Variants in XYLT1 observed in about 807,000 individuals in gnomAD.
XYLT1 encodes the protein beta-D-xylosyltransferase 1.
In XYLT1, 36 loss-of-function variants were observed where a neutral mutation model predicts 91.3. The observed-to-expected ratio is 0.39, with a 90% CI of 0.30 to 0.52. The LOEUF (loss-of-function observed/expected upper bound fraction) is 0.52, where lower values mean the gene tolerates loss of function less well. Among genes scored for constraint, XYLT1 ranks in the 20% least tolerant of loss-of-function variants. The pLI is 0.68. For missense variants in XYLT1, 1,242 were observed against 1,284.5 expected (o/e 0.97, Z 0.51); for synonymous variants, 588 against 532.0 (o/e 1.11, Z -1.45).
chr16:17,300,396 C>T (rs544442817), intron 2 of XYLT1, among the ~76,000 whole-genome samples: 1 of 150,418 alleles, frequency 6.6e-6, no homozygotes, highest in Non-Finnish European at 1.5e-5. Context: ...TTAAATAAAC[C>T]ATGCTATGTG....
At chr16:17,122,434 T>A (rs2030100662) in intron 10 of XYLT1, among the ~76,000 whole-genome samples, 1 of 152,230 alleles carries the variant, frequency 6.6e-6, no homozygotes, top group African/African-American at 2.4e-5. Context: ...GCCCACTTTT[T>A]GATGGGATTG....
intron 8 of XYLT1, among the ~76,000 whole-genome samples, chr16:17,136,143 C>G (rs1567289496): frequency 6.6e-6 from 1 of 152,144 alleles, no homozygotes; most frequent in Non-Finnish European, 1.5e-5. Flanking sequence ...ATGTCATTAC[C>G]TCTAATTTTC....
chr16:17,159,512 C>A (rs2031496686), intron 5 of XYLT1, among the ~76,000 whole-genome samples: 1 of 152,142 alleles, frequency 6.6e-6, no homozygotes, highest in South Asian at 2.1e-4. Context: ...CAGAGCCCAG[C>A]TGGATTTGTT....
intron 2 of XYLT1, among the ~76,000 whole-genome samples, chr16:17,354,020 G>A (rs1317630634): frequency 6.6e-6 from 1 of 152,206 alleles, no homozygotes; most frequent in Non-Finnish European, 1.5e-5. Context: ...TAAAATGAGA[G>A]AAGTCAGTTC....
At chr16:17,332,998 G>A (rs1174664320) in intron 2 of XYLT1, among the ~76,000 whole-genome samples, 1 of 152,124 alleles carries the variant, frequency 6.6e-6, no homozygotes, top group African/African-American at 2.4e-5. Context: ...GCAGAACCCT[G>A]ATTAACTGAG....
In XYLT1 at chr16:17,259,280, T is replaced by A; in HGVS notation, c.621A>T (p.Thr207=). Residue 207 remains threonine, a synonymous_variant, in exon 3 of 12, where the codon ACA becomes ACT. Coordinates refer to ENST00000261381, the MANE Select transcript of XYLT1 (RefSeq NM_022166.4). The part of the protein sequence containing the change: ...LEQQEKGKGH[T]FPGKGPGEVL... The stretch of plus-strand genomic sequence containing the variant: ...CCTCACCGGGGCCTTTCCCAGGGAA[T>A]GTATGTCCTTTTCCTTTCTCCTGCT... 6.2e-7 allele frequency: 1 copy of A among 1,614,084 alleles called. No homozygotes were observed. Among genetic ancestry groups the A allele is most frequent in the Non-Finnish European group, 8.5e-7 (1 of 1,180,018 alleles).
intron 8 of XYLT1, among the ~76,000 whole-genome samples, chr16:17,137,328 C>G (rs2030772690): frequency 1.3e-5 from 2 of 152,174 alleles, no homozygotes; most frequent in African/African-American, 4.8e-5. Context: ...AGATCAAACA[C>G]AAACAAACAG....
chr16:17,408,724 T>C (rs1379379016), intron 1 of XYLT1, among the ~76,000 whole-genome samples: 9 of 152,198 alleles, frequency 5.9e-5, no homozygotes, highest in Non-Finnish European at 1.3e-4. Context: ...CACAGGCCTA[T>C]AATCCCAACT....
At chr16:17,296,647 C>A (rs1260764953) in intron 2 of XYLT1, among the ~76,000 whole-genome samples, 1 of 152,170 alleles carries the variant, frequency 6.6e-6, no homozygotes, top group Non-Finnish European at 1.5e-5. Flanking sequence ...GAGCCCGGGG[C>A]CAACTGGGGA....
chr16:17,138,586 A>G (rs1410927731), intron 7 of XYLT1, 55 bp from the exon 8 acceptor site: 8 of 1,581,340 alleles, frequency 5.1e-6, no homozygotes, highest in Non-Finnish European at 6.1e-6. Context: ...CCACAGATGA[A>G]CTGGGGTGGG....
At chr16:17,157,447 G>A (rs1413062536) in intron 6 of XYLT1, among the ~76,000 whole-genome samples, 2 of 152,144 alleles carry the variant, frequency 1.3e-5, no homozygotes, top group Admixed American at 6.5e-5. Context: ...GGCAAGGACC[G>A]AGCGACCTAA....
intron 5 of XYLT1, among the ~76,000 whole-genome samples, chr16:17,189,216 A>G (rs1356208345): frequency 6.6e-6 from 1 of 152,128 alleles, no homozygotes; most frequent in Non-Finnish European, 1.5e-5. Flanking sequence ...GGAAGCTTGG[A>G]CCTCACACTC....
rs1333290457 is a variant in XYLT1 at position 17,106,936 on chromosome 16, G to A, written c.*1759C>T. 6.6e-6 allele frequency: 1 copy of A among 152,100 alleles called. No homozygotes were observed. The highest frequency in any genetic ancestry group is 3.2e-3 in the Middle Eastern group (1 of 316). The allele number at this position is 152,100 out of a possible 1,614,324, so 9.4% of individuals were successfully genotyped here. A position where few individuals can be genotyped will look rare whatever the true frequency, so the allele number is the denominator to read the frequency against. ...GCTTTACTCTGAGGATGAGGAGGAT[G>A]GGGGGTAGACGCAGAGAAAGAGAAA... On this transcript the variant is annotated 3_prime_UTR_variant, in exon 12 of 12. Transcript: ENST00000261381.
At chr16:17,334,343 C>T (rs906931747) in intron 2 of XYLT1, among the ~76,000 whole-genome samples, 8 of 152,148 alleles carry the variant, frequency 5.3e-5, no homozygotes, top group Non-Finnish European at 8.8e-5. Context: ...GGGTCTATGA[C>T]GTCCTGGAGT....
intron 1 of XYLT1, among the ~76,000 whole-genome samples, chr16:17,437,902 T>C (rs1302747587): frequency 6.6e-6 from 1 of 152,230 alleles, no homozygotes; most frequent in South Asian, 2.1e-4. Flanking sequence ...CACGGTGCAG[T>C]CAGCCTTTCT....
chr16:17,182,656 C>T (rs186241138), intron 5 of XYLT1, among the ~76,000 whole-genome samples: 295 of 123,554 alleles, frequency 2.4e-3, no homozygotes, highest in African/African-American at 9.2e-3. Context: ...TTTGAGTTTG[C>T]TTTGATTTTG....
At chr16:17,404,102 G>C (rs1414166970) in intron 1 of XYLT1, among the ~76,000 whole-genome samples, 1 of 30,814 alleles carries the variant, frequency 3.2e-5, no homozygotes, top group Non-Finnish European at 9.3e-5. Context: ...TGTGTGGTTG[G>C]GGGGGGGGCT....
At chr16:17,311,784 G>T (rs1366852330) in intron 2 of XYLT1, among the ~76,000 whole-genome samples, 1 of 141,086 alleles carries the variant, frequency 7.1e-6, no homozygotes, top group Non-Finnish European at 1.6e-5. Flanking sequence ...AAGTGGCTGG[G>T]GAGGCCGCAC....
chr16:17,398,483 G>T (rs1397975989), intron 1 of XYLT1, among the ~76,000 whole-genome samples: 1 of 152,322 alleles, frequency 6.6e-6, no homozygotes, highest in East Asian at 1.9e-4. Context: ...GAGTATGAGT[G>T]ATTTTTTTCG....
Sources: gnomAD v4.1 joint callset for allele counts (sites outside exome capture counted in the v4.1 genomes callset) on GRCh38, gnomAD v4.1.1 for gene constraint, MANE v1.5 for transcripts, NCBI Gene and HGNC (gene_info 2026-07-23, HGNC 2026-07-21) for gene names.